The following FRMPD4 variants were observed in gnomAD, a reference collection of about 807,000 sequenced individuals.
The protein encoded by FRMPD4 is FERM and PDZ domain-containing protein 4.
FRMPD4 carries 22 observed loss-of-function variants against 94.1 expected under a neutral mutation model. That is an observed-to-expected ratio of 0.23 (90% CI 0.17 to 0.33). The LOEUF (loss-of-function observed/expected upper bound fraction) is 0.33. Ranked by LOEUF, FRMPD4 falls within the 10% of genes least tolerant of loss-of-function variation. The pLI is 1.00. For missense variants in FRMPD4, 1,111 were observed against 1,339.9 expected (o/e 0.83, Z 2.67); for synonymous variants, 631 against 548.6 (o/e 1.15, Z -2.10).
chrX:11,860,176 C>T (rs4468094), intron 1 of FRMPD4, among the ~76,000 whole-genome samples: 18,181 of 112,131 alleles, frequency 0.16, 1,833 homozygotes, highest in African/African-American at 0.37. Context: ...AAAAGAATCA[C>T]TTATCAAGAT....
At chrX:12,463,101 A>C (rs1418208715) in intron 1 of FRMPD4, among the ~76,000 whole-genome samples, 1 of 112,350 alleles carries the variant, frequency 8.9e-6, no homozygotes, top group Admixed American at 9.4e-5. Context: ...GGGTAGGGTC[A>C]AACCCCAAAG....
chrX:11,972,052 G>T (rs772541856), intron 3 of FRMPD4, among the ~76,000 whole-genome samples: 1 of 111,682 alleles, frequency 9.0e-6, no homozygotes, highest in Non-Finnish European at 1.9e-5. Context: ...GGCTTTAGAT[G>T]TGGCCAAAAA....
intron 3 of FRMPD4, among the ~76,000 whole-genome samples, chrX:12,001,253 G>A (rs1300795323): frequency 1.8e-5 from 2 of 111,789 alleles, no homozygotes; most frequent in Admixed American, 9.5e-5. Context: ...TGTGCTAGCC[G>A]CTATAACAAA....
intron 3 of FRMPD4, among the ~76,000 whole-genome samples, chrX:11,965,416 C>G (rs1332724748): frequency 8.9e-6 from 1 of 112,111 alleles, no homozygotes; most frequent in East Asian, 2.8e-4. Context: ...AGTTTGCATT[C>G]CAGAATAATT....
chrX:12,613,021 TC>T (rs1475008076), intron 3 of FRMPD4, among the ~76,000 whole-genome samples: 3 of 112,150 alleles, frequency 2.7e-5, no homozygotes, highest in Non-Finnish European at 5.6e-5. Context: ...TGAATTACTT[TC>T]AGTTCCATGT....
chrX:12,168,240 G>A (rs1481907959), intron 1 of FRMPD4, among the ~76,000 whole-genome samples: 3 of 111,097 alleles, frequency 2.7e-5, no homozygotes, highest in Non-Finnish European at 5.7e-5. Flanking sequence ...TCCTTCCTTT[G>A]CCCATAATTT....
rs1356088245 is a variant in FRMPD4 at position 12,690,341 on chromosome X, AC to A, written c.813+18del. 1 of 1,193,112 alleles carries A rather than the reference AC, an allele frequency of 8.4e-7. No individual in the cohort carries two copies. ...CTCTAACTCAGGTCTGTGAAATCTC[AC>A]CCTCAAGTGATGAGGCTGCAGGTTA... On this transcript the variant is annotated intron_variant, in intron 8 of 16. Coordinates refer to ENST00000675598, the MANE Select transcript of FRMPD4 (RefSeq NM_001368397.1).
chrX:12,188,622 T>C (rs1414248709), intron 1 of FRMPD4, among the ~76,000 whole-genome samples: 1 of 111,843 alleles, frequency 8.9e-6, no homozygotes. Context: ...ATTTAAAATA[T>C]AAATGAGCAT....
chrX:11,948,621 G>T (rs1249245655), intron 3 of FRMPD4, among the ~76,000 whole-genome samples: 1 of 111,128 alleles, frequency 9.0e-6, no homozygotes, highest in Non-Finnish European at 1.9e-5. Flanking sequence ...GGAAGGGGAA[G>T]GGCCTGACCT....
intron 3 of FRMPD4, among the ~76,000 whole-genome samples, chrX:11,924,651 C>T (rs2054076003): frequency 1.8e-5 from 2 of 111,991 alleles, no homozygotes; most frequent in Admixed American, 1.9e-4. Context: ...TCATATCTGT[C>T]CAAATTAAGC....
intron 8 of FRMPD4, among the ~76,000 whole-genome samples, chrX:12,691,270 G>GTTGTTTTGTT (rs201868433): frequency 9.1e-6 from 1 of 110,367 alleles, no homozygotes; most frequent in African/African-American, 3.3e-5. Flanking sequence ...TTTTGTTGTT[G>GTTGTTTTGTT]TTGTTTTGTT....
chrX:12,008,706 G>T (rs890664274), intron 3 of FRMPD4, among the ~76,000 whole-genome samples: 2 of 112,229 alleles, frequency 1.8e-5, no homozygotes, highest in Admixed American at 1.9e-4. Flanking sequence ...TGAATACCAA[G>T]AAGGAAGGCC....
At position 12,605,936 on chromosome X, in the gene FRMPD4, T is replaced by C. The variant is rs1031988233; in HGVS notation, c.159-3785T>C. Among the ~76,000 whole-genome samples, 5 of 112,300 alleles carry C rather than the reference T, an allele frequency of 4.5e-5. No homozygotes were observed. The Admixed American group carries it at 4.7e-4, about 11-fold the overall frequency. ...TGTCGCTGAACACTAGCGTGAACAC[T>C]TTCTTTTTTGTCTGCTTTCTTTCCC... On this transcript the variant is annotated intron_variant, in intron 2 of 16. Coordinates refer to ENST00000675598, the MANE Select transcript of FRMPD4 (RefSeq NM_001368397.1).
intron 1 of FRMPD4, among the ~76,000 whole-genome samples, chrX:12,191,282 G>A (rs768573807): frequency 9.0e-6 from 1 of 111,706 alleles, no homozygotes; most frequent in Non-Finnish European, 1.9e-5. Context: ...AGGAACTTTC[G>A]TTCACTACTT....
intron 1 of FRMPD4, among the ~76,000 whole-genome samples, chrX:12,480,076 T>C (rs2057662985): frequency 9.2e-6 from 1 of 109,038 alleles, no homozygotes; most frequent in Non-Finnish European, 1.9e-5. Flanking sequence ...GAAAAAGAAA[T>C]GGAATGAAAG....
chrX:12,543,423 G>A (rs2058438483), intron 2 of FRMPD4, among the ~76,000 whole-genome samples: 1 of 111,763 alleles, frequency 8.9e-6, no homozygotes, highest in Non-Finnish European at 1.9e-5. Flanking sequence ...TCAAAAAGTG[G>A]GCGAAGGATA....
intron 3 of FRMPD4, among the ~76,000 whole-genome samples, chrX:11,960,810 G>T (rs747849408): frequency 9.0e-6 from 1 of 111,688 alleles, no homozygotes; most frequent in Non-Finnish European, 1.9e-5. Flanking sequence ...TCACAACCTG[G>T]CACAATGTTC....
chrX:12,406,813 A>G (rs2056672104), intron 1 of FRMPD4, among the ~76,000 whole-genome samples: 1 of 111,988 alleles, frequency 8.9e-6, no homozygotes, highest in Non-Finnish European at 1.9e-5. Context: ...TTAATTTCCT[A>G]TGGCTGCTGT....
rs187526270 is a variant in FRMPD4, at chrX:12,537,624, G to C, written c.158+38828G>C. ...CATGCCACCCGCCTGGCTTATTTTT[G>C]TATTTTTTGTAGAGACTGGGTATCA... is the stretch of plus-strand genomic sequence containing the variant. On this transcript the variant is annotated intron_variant, in intron 2 of 16. Transcript: ENST00000675598. 4.6e-3 allele frequency among the ~76,000 whole-genome samples: 493 copies of C among 106,695 alleles called. 7 individuals are homozygous for C. The highest frequency in any genetic ancestry group is 0.016 in the African/African-American group (479 of 29,425). 92.7% of individuals were successfully genotyped at this position (106,695 alleles called of 115,157 possible).
Sources: allele counts gnomAD v4.1 joint callset (sites outside exome capture counted in the v4.1 genomes callset), GRCh38; gene constraint gnomAD v4.1.1; transcripts MANE v1.5; gene names NCBI Gene and HGNC (gene_info 2026-07-23, HGNC 2026-07-21).